The following MAD1L1 variants were observed in gnomAD, a reference collection of about 807,000 sequenced individuals.
The protein encoded by MAD1L1 is mitotic spindle assembly checkpoint protein MAD1.
MAD1L1 carries 95 observed loss-of-function variants against 96.9 expected under a neutral mutation model. That is an observed-to-expected ratio of 0.98 (90% CI 0.83 to 1.16). The LOEUF is 1.16. MAD1L1 is among the 50% of genes most tolerant of loss of function. The pLI is 0.00. For synonymous variants in MAD1L1, 473 were observed against 396.6 expected (o/e 1.19, Z -2.29); for missense variants, 1,007 against 954.4 (o/e 1.06, Z -0.73).
At chr7:1,918,872 C>T (rs1788590249) in intron 17 of MAD1L1, among the ~76,000 whole-genome samples, 1 of 151,978 alleles carries the variant, frequency 6.6e-6, no homozygotes, top group African/African-American at 2.4e-5. Context: ...CCCAGCCCCC[C>T]TCCCCTCCCC....
chr7:2,140,820 C>A (rs1013030355), intron 11 of MAD1L1, among the ~76,000 whole-genome samples: 1 of 152,274 alleles, frequency 6.6e-6, no homozygotes, highest in Non-Finnish European at 1.5e-5. Context: ...GAGCTAAACA[C>A]TCAGAAAGTG....
At chr7:2,130,143 G>T (rs141804278) in intron 11 of MAD1L1, among the ~76,000 whole-genome samples, 1 of 152,252 alleles carries the variant, frequency 6.6e-6, no homozygotes, top group Non-Finnish European at 1.5e-5. Context: ...CCCTCCTCTT[G>T]GATTTCCCTG....
intron 18 of MAD1L1, among the ~76,000 whole-genome samples, chr7:1,880,973 C>T (rs929068572): frequency 6.6e-6 from 1 of 152,238 alleles, no homozygotes; most frequent in Non-Finnish European, 1.5e-5. Context: ...AGAGGGCTCT[C>T]TAGGCAGGAT....
At chr7:2,219,772 G>C (rs1303205636) in intron 5 of MAD1L1, among the ~76,000 whole-genome samples, 1 of 152,022 alleles carries the variant, frequency 6.6e-6, no homozygotes, top group African/African-American at 2.4e-5. Context: ...TCACACGCAG[G>C]GCCCACCCTC....
At chr7:1,886,994 G>T (rs1343095487) in intron 18 of MAD1L1, among the ~76,000 whole-genome samples, 1 of 152,262 alleles carries the variant, frequency 6.6e-6, no homozygotes, top group Admixed American at 6.5e-5. Context: ...GTGACCGCAT[G>T]GCAGCGGCAG....
chr7:1,922,149 C>T (rs1233540078), intron 17 of MAD1L1, among the ~76,000 whole-genome samples: 2 of 152,208 alleles, frequency 1.3e-5, no homozygotes, highest in South Asian at 2.1e-4. Context: ...GGGCTGAGGT[C>T]GGAACCCAGA....
chr7:1,929,497 T>C (rs62442910), intron 17 of MAD1L1, among the ~76,000 whole-genome samples: 2 of 152,016 alleles, frequency 1.3e-5, no homozygotes, highest in Admixed American at 1.3e-4. Context: ...CAAGGGTTGT[T>C]TAGTGACTGC....
At chr7:2,001,865 G>C (rs939940) in intron 14 of MAD1L1, among the ~76,000 whole-genome samples, 200 bp downstream of exon 14, 148,637 of 152,360 alleles carry the variant, frequency 0.98, 72,525 homozygotes, top group East Asian at 1. Context: ...TGTGCTCCCC[G>C]CCGGCGCATG....
At chr7:1,966,392 T>G (rs1443630169) in intron 15 of MAD1L1, among the ~76,000 whole-genome samples, 3 of 152,006 alleles carry the variant, frequency 2.0e-5, no homozygotes, top group Non-Finnish European at 2.9e-5. Context: ...GAGATGGGGC[T>G]GGGTTATCTG....
intron 11 of MAD1L1, among the ~76,000 whole-genome samples, chr7:2,093,463 G>A (rs949238257): frequency 5.3e-5 from 8 of 152,158 alleles, no homozygotes; most frequent in Admixed American, 5.2e-4. Context: ...AACAGTCACA[G>A]CAGCTTTCCC....
intron 15 of MAD1L1, among the ~76,000 whole-genome samples, chr7:1,961,675 G>C (rs983321414): frequency 6.6e-6 from 1 of 152,248 alleles, no homozygotes; most frequent in Non-Finnish European, 1.5e-5. Context: ...ATACCTGATA[G>C]GGTTTGGCTG....
intron 18 of MAD1L1, chr7:1,854,262 C>T (rs1013713205): frequency 1.8e-5 from 7 of 389,274 alleles, no homozygotes; most frequent in Non-Finnish European, 3.0e-5. Flanking sequence ...GTACTGAGCC[C>T]GCTGGGGCTG....
At chr7:2,211,119 C>A (rs932013124) in intron 10 of MAD1L1, among the ~76,000 whole-genome samples, 1 of 152,192 alleles carries the variant, frequency 6.6e-6, no homozygotes, top group African/African-American at 2.4e-5. Context: ...ATGCATGCCA[C>A]TTGCTTCCCG....
chr7:1,907,405 G>T (rs1003261187), intron 17 of MAD1L1, among the ~76,000 whole-genome samples: 1 of 152,214 alleles, frequency 6.6e-6, no homozygotes, highest in Non-Finnish European at 1.5e-5. Flanking sequence ...TCTAAACAAT[G>T]AATCAAATAC....
chr7:1,856,126 A>G (rs1455995903), intron 18 of MAD1L1, among the ~76,000 whole-genome samples: 1 of 152,080 alleles, frequency 6.6e-6, no homozygotes, highest in Admixed American at 6.5e-5. Flanking sequence ...CAACGTATGG[A>G]TTTTAGAGGG....
intron 5 of MAD1L1, chr7:2,220,839 T>C (rs199524616): frequency 1.0e-3 from 1,633 of 1,557,478 alleles, no homozygotes; most frequent in Non-Finnish European, 1.4e-3. Context: ...ATACTAACAA[T>C]AAACACATCC....
intron 12 of MAD1L1, among the ~76,000 whole-genome samples, chr7:2,061,428 C>A (rs576860628): frequency 2.0e-5 from 3 of 152,214 alleles, no homozygotes; most frequent in African/African-American, 7.2e-5. Flanking sequence ...CCCCAGGAGT[C>A]GGTGTCTAAC....
intron 12 of MAD1L1, among the ~76,000 whole-genome samples, chr7:2,068,508 C>CT (rs1784982934): frequency 6.6e-6 from 1 of 152,190 alleles, no homozygotes; most frequent in South Asian, 2.1e-4. Context: ...GCACAGCCCT[C>CT]CGCCCACTCA....
rs141220306 is a variant in MAD1L1, at chr7:2,216,330, C to G, written c.679-43G>C. 2.5e-6 allele frequency: 4 copies of G among 1,595,032 alleles called. No homozygotes were observed. In the African/African-American group the frequency reaches 5.4e-5, roughly 21 times the overall value. On this transcript the variant is annotated intron_variant, in intron 7 of 18. Coordinates refer to ENST00000265854, the MANE Select transcript of MAD1L1 (RefSeq NM_001013836.2). ...CAGAGAAGAAGGGAAAAATGAGCCA[C>G]GAAGAGACCTGGAGAAAATCACACG...
Sources: allele counts gnomAD v4.1 joint callset (sites outside exome capture counted in the v4.1 genomes callset), GRCh38; gene constraint gnomAD v4.1.1; transcripts MANE v1.5; gene names NCBI Gene and HGNC (gene_info 2026-07-23, HGNC 2026-07-21).